GNAI3: variants seen among roughly 807,000 people sequenced by gnomAD.
GNAI3 encodes the protein guanine nucleotide-binding protein G(i) subunit alpha-3.
In GNAI3, 12 loss-of-function variants were observed where a neutral mutation model predicts 41.8. The observed-to-expected ratio is 0.29, with a 90% confidence interval of 0.18 to 0.47. GNAI3 has a LOEUF of 0.47. Ranked by LOEUF, GNAI3 falls within the 20% of genes least tolerant of loss-of-function variation. The pLI is 1.00. For missense variants in GNAI3, 360 were observed against 429.6 expected (o/e 0.84, Z 1.43); for synonymous variants, 132 against 146.5 (o/e 0.90, Z 0.71).
chr1:109,586,376 C>A (rs1185490061), intron 6 of GNAI3, 31 bp downstream of exon 6: 2 of 1,579,850 alleles, frequency 1.3e-6, no homozygotes, highest in South Asian at 1.1e-5. Flanking sequence ...AAAAGCCTGT[C>A]TAATGTAGCC....
chr1:109,557,284 A>C (rs1046435818), intron 1 of GNAI3, among the ~76,000 whole-genome samples: 1 of 152,178 alleles, frequency 6.6e-6, no homozygotes. Context: ...ATGATCCTCT[A>C]TTTTTGAAAC....
intron 1 of GNAI3, among the ~76,000 whole-genome samples, chr1:109,567,631 A>G (rs138961755): frequency 2.0e-4 from 30 of 152,284 alleles, no homozygotes; most frequent in African/African-American, 7.2e-4. Context: ...TTATTATGAA[A>G]CCACTGCTAA....
intron 1 of GNAI3, among the ~76,000 whole-genome samples, chr1:109,569,226 C>G (rs993595706): frequency 2.0e-5 from 3 of 152,192 alleles, no homozygotes; most frequent in Non-Finnish European, 4.4e-5. Context: ...AACTTTTTCT[C>G]CCCTGTGTAT....
intron 1 of GNAI3, among the ~76,000 whole-genome samples, chr1:109,549,664 T>C (rs1024059511): frequency 5.9e-5 from 9 of 152,226 alleles, no homozygotes; most frequent in African/African-American, 2.2e-4. Context: ...AGATGATGTG[T>C]AGTTGGAATA....
At chr1:109,581,148 A>G (rs978308550) in intron 4 of GNAI3, among the ~76,000 whole-genome samples, 1 of 152,114 alleles carries the variant, frequency 6.6e-6, no homozygotes, top group Non-Finnish European at 1.5e-5. Flanking sequence ...ATTCACTTAC[A>G]TTGGTGCCAT....
At chr1:109,563,930 G>A (rs1465102677) in intron 1 of GNAI3, among the ~76,000 whole-genome samples, 4 of 151,872 alleles carry the variant, frequency 2.6e-5, no homozygotes, top group Non-Finnish European at 5.9e-5. Context: ...TATGCTATAA[G>A]TATTCCCTTT....
At position 109,582,060 on chromosome 1, in the gene GNAI3, T is replaced by C. The variant is rs889359280; in HGVS notation, c.462-377T>C. Among the ~76,000 whole-genome samples the C allele has an allele frequency of 3.5e-4, 53 of 152,292 alleles. 1 individual carries two copies. The highest frequency in any genetic ancestry group is 1.5e-4 in the Non-Finnish European group (10 of 68,038). ...CTCAGGCTGGTGTACAGTGGCACTC[T>C]GCAGCCTTGACCTCTTGGGTTCAAG... On this transcript the variant is annotated intron_variant, in intron 4 of 8. Transcript: ENST00000369851.
At chr1:109,550,556 C>T (rs1291669825) in intron 1 of GNAI3, among the ~76,000 whole-genome samples, 1 of 149,516 alleles carries the variant, frequency 6.7e-6, no homozygotes, top group Non-Finnish European at 1.5e-5. Context: ...TTTTTTGAGA[C>T]GGAGTCTCCC....
At chr1:109,564,092 C>A (rs772307051) in intron 1 of GNAI3, among the ~76,000 whole-genome samples, 2 of 148,124 alleles carry the variant, frequency 1.4e-5, no homozygotes. Flanking sequence ...CAAACTAGGA[C>A]CAAAAGTTGG....
At chr1:109,558,737 T>C (rs1474070883) in intron 1 of GNAI3, among the ~76,000 whole-genome samples, 1 of 152,038 alleles carries the variant, frequency 6.6e-6, no homozygotes, top group Non-Finnish European at 1.5e-5. Context: ...TCTAAGTTTT[T>C]GTTAGAGAGT....
intron 1 of GNAI3, among the ~76,000 whole-genome samples, chr1:109,571,514 G>GTTA (rs1648596618): frequency 6.6e-6 from 1 of 152,144 alleles, no homozygotes; most frequent in African/African-American, 2.4e-5. Flanking sequence ...ACCTCATAGG[G>GTTA]TTATTGTGAG....
At chr1:109,570,097 T>C (rs1246083995) in intron 1 of GNAI3, among the ~76,000 whole-genome samples, 2 of 152,198 alleles carry the variant, frequency 1.3e-5, no homozygotes. Context: ...AATCATTGGA[T>C]TTTTTAGATA....
intron 1 of GNAI3, among the ~76,000 whole-genome samples, chr1:109,550,532 G>A (rs1053908539): frequency 2.0e-5 from 3 of 149,924 alleles, no homozygotes; most frequent in Admixed American, 6.6e-5. Flanking sequence ...CATTCAGGGC[G>A]TTAACTTTTT....
Position 109,594,673 on chromosome 1 carries a change from G to A in GNAI3, c.*2351G>A, listed in dbSNP as rs1470894943. 3 of 111,606 alleles carry A rather than the reference G, an allele frequency of 2.7e-5. No homozygotes were observed. The highest frequency in any genetic ancestry group is 3.0e-4 in the South Asian group (1 of 3,296). 6.9% of individuals were successfully genotyped at this position (111,606 alleles called of 1,614,324 possible). On this transcript the variant is annotated 3_prime_UTR_variant, in exon 9 of 9. Transcript: ENST00000369851. ...TTTTTTTTTTTTTTTTTTTTTTTGA[G>A]ACGGAGTCTCGCTCTGTCGCCCAGG...
At chr1:109,553,626 T>C (rs143390098) in intron 1 of GNAI3, among the ~76,000 whole-genome samples, 490 of 152,334 alleles carry the variant, frequency 3.2e-3, no homozygotes, top group South Asian at 8.9e-3. Flanking sequence ...CATGTGAGGA[T>C]GCATCTGTGT....
intron 1 of GNAI3, among the ~76,000 whole-genome samples, chr1:109,550,898 T>A (rs1258318701): frequency 6.6e-6 from 1 of 152,230 alleles, no homozygotes; most frequent in African/African-American, 2.4e-5. Context: ...CTGTGAGTGA[T>A]TTGATTTACA....
intron 5 of GNAI3, 55 bp from the exon 6 acceptor site, chr1:109,586,161 T>G (rs1034302120): frequency 4.1e-5 from 62 of 1,519,026 alleles, no homozygotes; most frequent in Non-Finnish European, 5.5e-5. Flanking sequence ...CATTTCAGTT[T>G]AGGGGAAGGT....
chr1:109,574,171 A>C, intron 3 of GNAI3, 134 bp downstream of exon 3: 1 of 613,004 alleles, frequency 1.6e-6, no homozygotes, highest in Non-Finnish European at 2.8e-6. Flanking sequence ...CTTTGTGCTC[A>C]CTTGAGAAAT....
intron 1 of GNAI3, among the ~76,000 whole-genome samples, chr1:109,556,626 G>T (rs1303956924): frequency 6.6e-6 from 1 of 152,050 alleles, no homozygotes; most frequent in Non-Finnish European, 1.5e-5. Flanking sequence ...ATCCAGTATA[G>T]AACTTGCCTT....
Sources: allele counts gnomAD v4.1 joint callset (sites outside exome capture counted in the v4.1 genomes callset), GRCh38; gene constraint gnomAD v4.1.1; transcripts MANE v1.5; gene names NCBI Gene and HGNC (gene_info 2026-07-23, HGNC 2026-07-21).